KANSL3: variants seen among roughly 807,000 people sequenced by gnomAD.
The protein encoded by KANSL3 is NSL complex protein NSL3.
In KANSL3, 16 loss-of-function variants were observed where a neutral mutation model predicts 89.2. That is an observed-to-expected ratio of 0.18 (90% confidence interval 0.12 to 0.27). The LOEUF (loss-of-function observed/expected upper bound fraction) is 0.27, where lower values mean the gene tolerates loss of function less well. Ranked by LOEUF, KANSL3 falls within the 10% of genes least tolerant of loss-of-function variation. KANSL3 has a pLI of 1.00. For synonymous variants in KANSL3, 385 were observed against 419.7 expected (o/e 0.92, Z 1.01); for missense variants, 879 against 1,110.6 (o/e 0.79, Z 2.96).
rs1216786568 is a variant in KANSL3 at position 96,610,764 on chromosome 2, G to C, written c.1281C>G (p.Asn427Lys). ...EDFREKIRAENSLVVVGGADD... is the reference protein window; with the variant it reads ...EDFREKIRAEKSLVVVGGADD... ...CAGCTCCCCCAACCACCACCAAGCT[G>C]TTCTCAGCTCGAATCTTCTCCCGGA... is the stretch of plus-strand genomic sequence containing the variant. The change falls in exon 11 of 21, where the codon AAC becomes AAG. Residue 427 changes from asparagine to lysine, a missense_variant. Physicochemically the swap from Asn to Lys is moderately conservative, Grantham distance 94 (BLOSUM62 0). Transcript: ENST00000431828. The C allele has an allele frequency of 1.9e-6, 3 of 1,613,988 alleles. No individual in the cohort carries two copies. The highest frequency in any genetic ancestry group is 1.3e-5 in the African/African-American group (1 of 75,038).
chr2:96,611,523 C>G (rs576850921), intron 9 of KANSL3, among the ~76,000 whole-genome samples: 1 of 152,140 alleles, frequency 6.6e-6, no homozygotes, highest in South Asian at 2.1e-4. Flanking sequence ...AAAATTCTCT[C>G]TATTGAACTT....
intron 3 of KANSL3, among the ~76,000 whole-genome samples, chr2:96,620,396 CA>C (rs911908182): frequency 1.3e-5 from 2 of 152,106 alleles, no homozygotes; most frequent in African/African-American, 4.8e-5. Flanking sequence ...AGGCCTGCTC[CA>C]TATAAGCTAA....
In KANSL3 at chr2:96,601,780, A is replaced by C. The variant is rs1478964341; in HGVS notation, c.2483-4T>G. 6.5e-7 allele frequency: 1 copy of C among 1,548,462 alleles called. No individual in the cohort carries two copies. The highest frequency in any genetic ancestry group is 8.7e-7 in the Non-Finnish European group (1 of 1,149,248). On this transcript the variant is annotated splice_polypyrimidine_tract_variant and splice_region_variant and intron_variant, in intron 19 of 20. Transcript: ENST00000431828. ...ATGGTGGTGGGGACCTTCAAGCCTG[A>C]GATAAAGAGAGAGAAGCAGAATTTT...
chr2:96,611,242 T>G, intron 9 of KANSL3, 104 bp from the exon 10 acceptor site: 1 of 864,560 alleles, frequency 1.2e-6, no homozygotes, highest in Non-Finnish European at 2.0e-6. Flanking sequence ...GTCTCACCTC[T>G]TCCTCTCCTG....
chr2:96,596,483 G>A (rs933527782), intron 20 of KANSL3, among the ~76,000 whole-genome samples: 9 of 152,212 alleles, frequency 5.9e-5, no homozygotes, highest in Non-Finnish European at 1.2e-4. Flanking sequence ...GAGCCCAAGA[G>A]GTTGAGGCTG....
At chr2:96,606,965 C>A in intron 14 of KANSL3, 1 of 1,285,928 alleles carries the variant, frequency 7.8e-7, no homozygotes, top group South Asian at 1.2e-5. Flanking sequence ...AAGAGTAATA[C>A]TCACCAAAGA....
intron 3 of KANSL3, among the ~76,000 whole-genome samples, chr2:96,626,900 A>G (rs1360051638): frequency 1.3e-5 from 2 of 152,234 alleles, no homozygotes; most frequent in African/African-American, 4.8e-5. Context: ...CCACTATTCA[A>G]TTTTGTGGCT....
intron 9 of KANSL3, 86 bp from the exon 10 acceptor site, chr2:96,611,224 A>C (rs1573417487): frequency 1.9e-6 from 2 of 1,061,874 alleles, no homozygotes. Flanking sequence ...GTCCAGACCC[A>C]CCAGACAGTC....
Position 96,593,414 on chromosome 2 carries a change from G to A in KANSL3, c.*2197C>T. ...TTTTCTATCAATAATATTGCCTTCT[G>A]AGGTTATGGATTCCAGGTCTTCTAT... On this transcript the variant is annotated 3_prime_UTR_variant, in exon 21 of 21. Transcript: ENST00000431828. 2 of 426,046 alleles carry A rather than the reference G, an allele frequency of 4.7e-6. No homozygotes were observed. The highest frequency in any genetic ancestry group is 9.5e-6 in the Non-Finnish European group (2 of 211,064). The allele number at this position is 426,046 out of a possible 1,614,324, so 26.4% of individuals were successfully genotyped here. A position where few individuals can be genotyped will look rare whatever the true frequency, so the allele number is the denominator to read the frequency against.
intron 3 of KANSL3, among the ~76,000 whole-genome samples, chr2:96,630,783 G>A (rs765138737): frequency 1.3e-5 from 2 of 152,156 alleles, no homozygotes; most frequent in Non-Finnish European, 2.9e-5. Context: ...GCAGTAGAAA[G>A]CTTGGGAACA....
At chr2:96,605,207 G>A (rs768521200) in intron 15 of KANSL3, 113 bp downstream of exon 15, 16 of 914,034 alleles carry the variant, frequency 1.8e-5, no homozygotes, top group Admixed American at 5.6e-5. Context: ...TCTTTGCTCC[G>A]GGCATCTCTC....
intron 2 of KANSL3, among the ~76,000 whole-genome samples, chr2:96,634,335 A>C (rs955680097): frequency 6.6e-6 from 1 of 152,214 alleles, no homozygotes; most frequent in African/African-American, 2.4e-5. Context: ...GAGCCTGACC[A>C]ACATGGTGAA....
chr2:96,626,618 AGTAT>A (rs1319002805), intron 3 of KANSL3, among the ~76,000 whole-genome samples: 1 of 152,218 alleles, frequency 6.6e-6, no homozygotes, highest in East Asian at 1.9e-4. Flanking sequence ...AATTCTGAGA[AGTAT>A]CATGTGTCAG....
At chr2:96,614,571 G>A (rs1026389592) in intron 5 of KANSL3, among the ~76,000 whole-genome samples, 4 of 152,114 alleles carry the variant, frequency 2.6e-5, no homozygotes, top group Non-Finnish European at 5.9e-5. Flanking sequence ...AGGAGTTCGA[G>A]ATAAGCCTGG....
At chr2:96,607,693 G>C (rs964847065) in intron 14 of KANSL3, among the ~76,000 whole-genome samples, 4 of 152,130 alleles carry the variant, frequency 2.6e-5, no homozygotes, top group Non-Finnish European at 5.9e-5. Context: ...TCTGGGTTTC[G>C]GTTCTGATCA....
At chr2:96,613,405 C>G in intron 6 of KANSL3, 83 bp downstream of exon 6, 4 of 1,058,822 alleles carry the variant, frequency 3.8e-6, no homozygotes, top group Non-Finnish European at 5.5e-6. Context: ...GTTAAAGAAG[C>G]CATTTATCCT....
At chr2:96,635,597 C>G (rs1053956441) in intron 2 of KANSL3, among the ~76,000 whole-genome samples, 1 of 152,134 alleles carries the variant, frequency 6.6e-6, no homozygotes, top group African/African-American at 2.4e-5. Context: ...AAATTATTGC[C>G]TAAAGTTACA....
At chr2:96,615,680 C>A in intron 5 of KANSL3, 1 of 367,276 alleles carries the variant, frequency 2.7e-6, no homozygotes, top group South Asian at 2.1e-5. Context: ...AGATAAGTTG[C>A]TCTTAATTTA....
Position 96,601,673 on chromosome 2 carries a change from G to C in KANSL3, c.2586C>G (p.Ser862=), listed in dbSNP as rs780822923. 1.9e-6 allele frequency: 3 copies of C among 1,613,574 alleles called. No individual in the cohort carries two copies. The highest frequency in any genetic ancestry group is 2.5e-6 in the Non-Finnish European group (3 of 1,179,704). ...AGCTGGAGGGCAGCACCTGGGAAGA[G>C]GACTCCTCGGATGGGGCTGCTCCTG... ...MGSGAAPSEE[S]SSQVLPSSSQ... is the part of the protein sequence containing the mutation. The change falls in exon 20 of 21, where the codon TCC becomes TCG. Residue 862 remains serine (S), a synonymous_variant. Transcript: ENST00000431828.
Sources: gnomAD v4.1 joint callset for allele counts (sites outside exome capture counted in the v4.1 genomes callset) on GRCh38, gnomAD v4.1.1 for gene constraint, MANE v1.5 for transcripts, NCBI Gene and HGNC (gene_info 2026-07-23, HGNC 2026-07-21) for gene names.